The following SYT1 variants were observed in gnomAD, a reference collection of about 807,000 sequenced individuals.
SYT1 encodes synaptotagmin-1.
SYT1 carries 8 observed loss-of-function variants against 44.8 expected under a neutral mutation model. The observed-to-expected ratio is 0.18, with a 90% CI of 0.10 to 0.32. The LOEUF is 0.32. Ranked by LOEUF, SYT1 falls within the 10% of genes least tolerant of loss-of-function variation. The pLI, the probability that SYT1 is intolerant of heterozygous loss-of-function variation, is 1.00. For missense variants in SYT1, 286 were observed against 509.3 expected, an observed-to-expected ratio of 0.56 and a Z score of 4.22; for synonymous variants, 154 against 188.8, an observed-to-expected ratio of 0.82 and a Z score of 1.51.
chr12:79,181,811 A>C (rs1246901961), intron 3 of SYT1, among the ~76,000 whole-genome samples: 1 of 152,048 alleles, frequency 6.6e-6, no homozygotes, highest in Non-Finnish European at 1.5e-5. Context: ...AGTTCACATG[A>C]AGACCAACAA....
chr12:79,388,204 G>A lies in SYT1; in HGVS notation c.928+34585G>A, dbSNP rs1237822138. Among the ~76,000 whole-genome samples the A allele has an allele frequency of 3.9e-5, 6 of 152,138 alleles. No homozygotes were observed. In the East Asian group the frequency reaches 9.6e-4, roughly 24 times the overall value. ...TGTATAGCTTCAGGAAACTGTAGCT[G>A]GAGCTGGGCCAGAAAATGTCTACAG... On this transcript the variant is annotated intron_variant, in intron 9 of 10. Coordinates refer to ENST00000261205, the MANE Select transcript of SYT1 (RefSeq NM_005639.3).
rs1871010472 is a variant in SYT1 at position 79,450,731 on chromosome 12, A to G, written c.*1607A>G. The G allele has an allele frequency of 6.6e-6, 1 of 152,666 alleles. No homozygotes were observed. Among genetic ancestry groups the G allele is most frequent in the Non-Finnish European group, 1.5e-5 (1 of 68,052 alleles). The allele number at this position is 152,666 out of a possible 1,614,324, so 9.5% of individuals were successfully genotyped here. A position where few individuals can be genotyped will look rare whatever the true frequency, so the allele number is the denominator to read the frequency against. The stretch of plus-strand genomic sequence containing the variant: ...CAAACAGTTCTCATTACAAAGGACC[A>G]ATTCAGAACTGAAAAGCTATGCATA... On this transcript the variant is annotated 3_prime_UTR_variant, in exon 11 of 11. Transcript: ENST00000261205.
At chr12:78,977,164 G>A (rs1460157787) in intron 1 of SYT1, among the ~76,000 whole-genome samples, 1 of 152,152 alleles carries the variant, frequency 6.6e-6, no homozygotes, top group Non-Finnish European at 1.5e-5. Flanking sequence ...AGTGAGGAAG[G>A]AAGGGAATAT....
At chr12:79,424,986 T>A (rs1869361905) in intron 9 of SYT1, among the ~76,000 whole-genome samples, 1 of 149,804 alleles carries the variant, frequency 6.7e-6, no homozygotes, top group African/African-American at 2.5e-5. Context: ...ACATTTAATT[T>A]GCACTTGTAA....
chr12:78,985,341 G>T (rs367882623), intron 2 of SYT1, among the ~76,000 whole-genome samples: 1 of 151,720 alleles, frequency 6.6e-6, no homozygotes, highest in African/African-American at 2.4e-5. Context: ...GTTATTATAC[G>T]ATTTTGTTAT....
chr12:79,123,308 A>AGTGTGTGT (rs763524667), intron 3 of SYT1, among the ~76,000 whole-genome samples: 2,777 of 96,482 alleles, frequency 0.029, 43 homozygotes, highest in South Asian at 0.048. Context: ...CTAAAAATGC[A>AGTGTGTGT]ATGTGTGTGT....
chr12:79,070,542 T>C (rs981462965), intron 3 of SYT1, among the ~76,000 whole-genome samples: 1 of 152,146 alleles, frequency 6.6e-6, no homozygotes, highest in South Asian at 2.1e-4. Flanking sequence ...GAGGTTACAC[T>C]TCTATTCTAA....
At chr12:79,337,088 G>A (rs1882125077) in intron 8 of SYT1, among the ~76,000 whole-genome samples, 1 of 151,922 alleles carries the variant, frequency 6.6e-6, no homozygotes, top group African/African-American at 2.4e-5. Context: ...CCAGTGTTGG[G>A]ACCCCTTGGC....
intron 4 of SYT1, among the ~76,000 whole-genome samples, chr12:79,272,244 A>C (rs1439046013): frequency 6.6e-6 from 1 of 152,204 alleles, no homozygotes; most frequent in Non-Finnish European, 1.5e-5. Flanking sequence ...AAATAAACAC[A>C]AATAAGTAGG....
At chr12:79,260,590 G>A (rs1226773148) in intron 4 of SYT1, among the ~76,000 whole-genome samples, 2 of 152,150 alleles carry the variant, frequency 1.3e-5, no homozygotes, top group Non-Finnish European at 2.9e-5. Context: ...AGGAAGCAGT[G>A]AGGGTCCTGC....
At chr12:79,210,239 T>C (rs1468560658) in intron 3 of SYT1, among the ~76,000 whole-genome samples, 1 of 152,158 alleles carries the variant, frequency 6.6e-6, no homozygotes, top group Non-Finnish European at 1.5e-5. Context: ...ATAAACTTTT[T>C]TTCATATCTC....
chr12:79,349,023 G>GA (rs1448588835), intron 8 of SYT1, among the ~76,000 whole-genome samples: 2 of 86,430 alleles, frequency 2.3e-5, no homozygotes, highest in East Asian at 4.5e-4. Flanking sequence ...AAGAAAGAAA[G>GA]AAAGAAAGAA....
At chr12:78,931,160 G>GGGAA (rs1467932839) in intron 1 of SYT1, among the ~76,000 whole-genome samples, 87 of 118,102 alleles carry the variant, frequency 7.4e-4, no homozygotes, top group African/African-American at 2.8e-3. Flanking sequence ...GAAAGTCTGT[G>GGGAA]GAAAGAAAGA....
Position 79,292,012 on chromosome 12 carries a change from T to C in SYT1, c.356T>C (p.Leu119Pro). 1 of 1,613,762 alleles carries C rather than the reference T, an allele frequency of 6.2e-7. No individual in the cohort carries two copies. The highest frequency in any genetic ancestry group is 8.5e-7 in the Non-Finnish European group (1 of 1,179,970). The stretch of plus-strand genomic sequence containing the variant: ...TGATCCTTTCTCTATACATAGGCCC[T>C]CAAGGATGATGATGCTGAAACTGGA... ...DLGKTMKDQA[L>P]KDDDAETGLT... Residue 119 changes from leucine to proline, a missense_variant, in exon 6 of 11, where the codon CTC becomes CCC. By Grantham distance (98) the Leu-to-Pro change is moderately conservative (BLOSUM62 -3). This residue lies in a region of SYT1 where 141 missense variants were observed against 165.7 expected (regional missense o/e 0.85). Coordinates refer to ENST00000261205, the MANE Select transcript of SYT1 (RefSeq NM_005639.3).
intron 1 of SYT1, among the ~76,000 whole-genome samples, chr12:78,951,499 CAT>C (rs1484445518): frequency 4.6e-5 from 7 of 151,986 alleles, no homozygotes; most frequent in African/African-American, 1.7e-4. Context: ...ATACAGAAGA[CAT>C]ATGAACACCA....
At chr12:79,026,701 A>ATATATATATATC in intron 2 of SYT1, among the ~76,000 whole-genome samples, 1 of 125,708 alleles carries the variant, frequency 8.0e-6, no homozygotes, top group Admixed American at 8.0e-5. Flanking sequence ...ATATATATAT[A>ATATATATATATC]TCACACTTTC....
intron 1 of SYT1, among the ~76,000 whole-genome samples, chr12:78,893,870 G>A (rs1875192452): frequency 6.6e-6 from 1 of 151,550 alleles, no homozygotes; most frequent in Admixed American, 6.6e-5. Flanking sequence ...TAATAAAGTT[G>A]CCCTCTGCAT....
chr12:79,009,113 CT>C (rs943374993), intron 2 of SYT1, among the ~76,000 whole-genome samples: 6 of 152,058 alleles, frequency 3.9e-5, no homozygotes, highest in African/African-American at 1.4e-4. Context: ...GAAGATACCT[CT>C]TTTTGTTATT....
chr12:78,954,684 G>C (rs1266774743), intron 1 of SYT1, among the ~76,000 whole-genome samples: 1 of 151,928 alleles, frequency 6.6e-6, no homozygotes, highest in Non-Finnish European at 1.5e-5. Flanking sequence ...TTAAATAGAA[G>C]TATTTTTCAT....
Sources: gnomAD v4.1 joint callset for allele counts (sites outside exome capture counted in the v4.1 genomes callset) on GRCh38, gnomAD v4.1.1 for gene constraint, gnomAD v4.1.1 regional missense constraint, MANE v1.5 for transcripts, NCBI Gene and HGNC (gene_info 2026-07-23, HGNC 2026-07-21) for gene names.